LUZP2: variants seen among roughly 807,000 people sequenced by gnomAD.
LUZP2 encodes leucine zipper protein 2.
A neutral mutation model predicts 51.6 loss-of-function variants in LUZP2; 52 were observed. The ratio of observed to expected loss-of-function variants is 1.01; its 90% CI spans 0.81 to 1.27. LUZP2 has a LOEUF of 1.27. Among genes scored for constraint, LUZP2 ranks in the 50% most tolerant of loss-of-function variants. LUZP2 has a pLI of 0.00. For missense variants in LUZP2, 436 were observed against 395.4 expected (o/e 1.10, Z -0.87); for synonymous variants, 154 against 137.3 (o/e 1.12, Z -0.85).
intron 5 of LUZP2, among the ~76,000 whole-genome samples, chr11:24,826,190 A>AAAAAATATATATATATATAT (rs1215786412): frequency 2.4e-4 from 16 of 67,546 alleles, no homozygotes; most frequent in East Asian, 1.1e-3. Context: ...AAAAAAAAAA[A>AAAAAATATATATATATATAT]ATATATATAT....
rs117036103 is a variant in LUZP2 at position 25,031,328 on chromosome 11, G to A, written c.766-18710G>A. Among the ~76,000 whole-genome samples, 1,035 of 151,802 alleles carry A rather than the reference G, an allele frequency of 6.8e-3. 35 individuals carry two copies. The East Asian group carries it at 0.1, about 15-fold the overall frequency. On this transcript the variant is annotated intron_variant, in intron 9 of 11. Transcript: ENST00000336930. Reference sequence around the variant, plus strand: ...CCCAGACTACTGTATTTTTGATACCGTTTGATAAATAGGTTTCCACTATTT... The same window carrying A: ...CCCAGACTACTGTATTTTTGATACCATTTGATAAATAGGTTTCCACTATTT...
At chr11:24,528,701 G>T (rs1033236404) in intron 1 of LUZP2, among the ~76,000 whole-genome samples, 1 of 150,978 alleles carries the variant, frequency 6.6e-6, no homozygotes, top group Non-Finnish European at 1.5e-5. Context: ...AAGCAACCTG[G>T]AGATTCTGCT....
In LUZP2 at chr11:24,698,297, G is replaced by T. The variant is rs1241918791; in HGVS notation, c.63-30872G>T. On this transcript the variant is annotated intron_variant, in intron 1 of 11. Transcript: ENST00000336930. ...GTGCTGAAATTTTATCCATATTAAT[G>T]CAGTATTTTTACATTATTAATTTAA... is the stretch of plus-strand genomic sequence containing the variant. Among the ~76,000 whole-genome samples, 5 of 152,254 alleles carry T rather than the reference G, an allele frequency of 3.3e-5. No individual in the cohort carries two copies. The East Asian group carries it at 9.7e-4, about 29-fold the overall frequency.
At chr11:24,963,858 T>C (rs113318317) in intron 7 of LUZP2, among the ~76,000 whole-genome samples, 2,542 of 152,272 alleles carry the variant, frequency 0.017, 38 homozygotes, top group South Asian at 0.083. Flanking sequence ...TCTTCTGCGT[T>C]GCTCATGCTG....
intron 7 of LUZP2, among the ~76,000 whole-genome samples, chr11:24,916,373 A>G (rs1305883298): frequency 1.3e-5 from 2 of 151,806 alleles, no homozygotes; most frequent in African/African-American, 4.8e-5. Context: ...TCTAGGGTAC[A>G]TGTTCACAAT....
At chr11:24,506,870 C>G (rs1850160729) in intron 1 of LUZP2, among the ~76,000 whole-genome samples, 1 of 151,912 alleles carries the variant, frequency 6.6e-6, no homozygotes, top group South Asian at 2.1e-4. Flanking sequence ...TATTAGGCTG[C>G]CTATATAGAA....
At chr11:25,008,187 C>T (rs982427513) in intron 9 of LUZP2, among the ~76,000 whole-genome samples, 3 of 152,184 alleles carry the variant, frequency 2.0e-5, no homozygotes, top group African/African-American at 7.2e-5. Flanking sequence ...TGCTACTGGC[C>T]TGGATTCTGC....
intron 1 of LUZP2, among the ~76,000 whole-genome samples, chr11:24,617,746 C>G (rs67801635): frequency 0.22 from 33,572 of 151,790 alleles, 4,573 homozygotes; most frequent in African/African-American, 0.38. Flanking sequence ...TCTTGAACCT[C>G]GGAGGTGGAG....
At chr11:24,734,215 G>GAAAA (rs774292958) in intron 3 of LUZP2, among the ~76,000 whole-genome samples, 54 of 151,054 alleles carry the variant, frequency 3.6e-4, no homozygotes, top group Non-Finnish European at 5.9e-4. Context: ...TGGAGTAAAA[G>GAAAA]AAAATAAAGT....
intron 1 of LUZP2, among the ~76,000 whole-genome samples, chr11:24,643,993 C>G (rs933305111): frequency 6.6e-6 from 1 of 152,194 alleles, no homozygotes; most frequent in Non-Finnish European, 1.5e-5. Flanking sequence ...AAATTATATT[C>G]TCTCTTTCAC....
chr11:24,735,590 T>C (rs950688809), intron 3 of LUZP2, among the ~76,000 whole-genome samples: 3 of 151,946 alleles, frequency 2.0e-5, no homozygotes, highest in Non-Finnish European at 4.4e-5. Context: ...TATTAAAATA[T>C]AAGCTGATAG....
At chr11:25,005,972 G>A (rs1182632941) in intron 9 of LUZP2, among the ~76,000 whole-genome samples, 10 of 152,084 alleles carry the variant, frequency 6.6e-5, no homozygotes, top group African/African-American at 2.2e-4. Context: ...CTGAGTGAGG[G>A]GAGGGATCTC....
At chr11:24,523,492 T>C (rs546271005) in intron 1 of LUZP2, among the ~76,000 whole-genome samples, 5 of 139,842 alleles carry the variant, frequency 3.6e-5, no homozygotes, top group Admixed American at 1.4e-4. Context: ...AAGCTTCTTT[T>C]TTTTACAAAA....
At chr11:25,057,940 T>C (rs1417285983) in intron 10 of LUZP2, among the ~76,000 whole-genome samples, 1 of 152,114 alleles carries the variant, frequency 6.6e-6, no homozygotes, top group Non-Finnish European at 1.5e-5. Flanking sequence ...ATATAAGAAA[T>C]CTAGTTTGCT....
At chr11:24,888,273 T>G (rs1280462886) in intron 5 of LUZP2, among the ~76,000 whole-genome samples, 1 of 152,086 alleles carries the variant, frequency 6.6e-6, no homozygotes, top group Non-Finnish European at 1.5e-5. Flanking sequence ...GGCTTTCTCT[T>G]CATTCTGTAC....
At position 24,918,638 on chromosome 11, in the gene LUZP2, TAA is replaced by T. The variant is rs370733849; in HGVS notation, c.522+4109_522+4110del. ...TTTAGATTTGACAAATGTAATTCTT[TAA>T]AAAAAAAATCCTAAATATTATTTAT... On this transcript the variant is annotated intron_variant, in intron 7 of 11. Transcript: ENST00000336930. Among the ~76,000 whole-genome samples, 1,444 of 148,602 alleles carry T rather than the reference TAA, an allele frequency of 9.7e-3. 18 individuals carry two copies. The highest frequency in any genetic ancestry group is 0.044 in the South Asian group (208 of 4,742).
chr11:24,918,435 C>G lies in LUZP2; in HGVS notation c.522+3897C>G, dbSNP rs533828320. On this transcript the variant is annotated intron_variant, in intron 7 of 11. Coordinates refer to ENST00000336930, the MANE Select transcript of LUZP2 (RefSeq NM_001009909.4). ...TGCCGGTTTTCAAAGGGAATGCTTC[C>G]AGTTTTTGCCGATTCAGTAGGTTTG... Among the ~76,000 whole-genome samples, 477 of 152,042 alleles carry G rather than the reference C, an allele frequency of 3.1e-3. 5 individuals are homozygous for G. Among genetic ancestry groups the G allele is most frequent in the Middle Eastern group, 0.014 (4 of 294 alleles).
intron 5 of LUZP2, among the ~76,000 whole-genome samples, chr11:24,788,111 G>A (rs964135851): frequency 2.6e-5 from 4 of 151,104 alleles, no homozygotes; most frequent in Non-Finnish European, 4.4e-5. Flanking sequence ...AAGCAATCCT[G>A]AAATTCTGTA....
intron 1 of LUZP2, among the ~76,000 whole-genome samples, chr11:24,707,500 T>C (rs752599143): frequency 1.3e-5 from 2 of 152,140 alleles, no homozygotes; most frequent in Non-Finnish European, 2.9e-5. Context: ...AACTCTTAGA[T>C]ATGATGAGAA....
Sources: gnomAD v4.1 joint callset for allele counts (sites outside exome capture counted in the v4.1 genomes callset) on GRCh38, gnomAD v4.1.1 for gene constraint, MANE v1.5 for transcripts, NCBI Gene and HGNC (gene_info 2026-07-23, HGNC 2026-07-21) for gene names.